The following CPAMD8 variants were observed in gnomAD, a reference collection of about 807,000 sequenced individuals.
CPAMD8 encodes the protein C3 and PZP-like alpha-2-macroglobulin domain-containing protein 8.
A neutral mutation model predicts 224.7 loss-of-function variants in CPAMD8; 146 were observed. That is an observed-to-expected ratio of 0.65 (90% confidence interval 0.57 to 0.75). CPAMD8 has a LOEUF of 0.75. CPAMD8 is among the 30% of genes least tolerant of loss of function. The pLI is 0.00. For synonymous variants in CPAMD8, 966 were observed against 1,044.6 expected, an observed-to-expected ratio of 0.92 and a Z score of 1.45; for missense variants, 2,301 against 2,537.5, an observed-to-expected ratio of 0.91 and a Z score of 2.00.
Position 16,904,544 on chromosome 19 carries a change from T to C in CPAMD8, c.4036A>G (p.Thr1346Ala). The C allele has an allele frequency of 6.2e-7, 1 of 1,612,294 alleles. No individual in the cohort carries two copies. The highest frequency in any genetic ancestry group is 8.5e-7 in the Non-Finnish European group (1 of 1,178,350). The change falls in exon 31 of 42, where the codon ACC (threonine) becomes GCC (alanine). Residue 1346 changes from threonine to alanine, a missense_variant. Physicochemically the swap from Thr to Ala is moderately conservative, Grantham distance 58. Transcript: ENST00000443236. ...CAGGAATTTGACAGGCTCCAGTGGG[T>C]GACCCCATCTGCAAGGAAAGGAGTG... ...RSLAIMRDGVTHWSLSNSWDV... is the reference protein window; with the variant it reads ...RSLAIMRDGVAHWSLSNSWDV...
At chr19:16,961,457 G>A (rs115380254) in intron 18 of CPAMD8, among the ~76,000 whole-genome samples, 27,947 of 152,258 alleles carry the variant, frequency 0.18, 2,858 homozygotes, top group Admixed American at 0.25. Flanking sequence ...CAGCCTGGTT[G>A]GGGGAGGGGT....
intron 13 of CPAMD8, among the ~76,000 whole-genome samples, chr19:16,983,177 C>A (rs550520041): frequency 6.6e-6 from 1 of 152,066 alleles, no homozygotes; most frequent in Non-Finnish European, 1.5e-5. Flanking sequence ...CCAAGGCAAG[C>A]GGATCACCTA....
intron 41 of CPAMD8, 134 bp downstream of exon 41, chr19:16,896,042 C>T: frequency 2.1e-6 from 2 of 966,280 alleles, no homozygotes; most frequent in Non-Finnish European, 3.3e-6. Context: ...GACCCTGAGT[C>T]ACTCCCACTG....
chr19:16,944,953 G>A (rs953191009), intron 22 of CPAMD8, among the ~76,000 whole-genome samples: 1 of 152,180 alleles, frequency 6.6e-6, no homozygotes, highest in African/African-American at 2.4e-5. Context: ...GCCAAGAAAA[G>A]ATGAGGCATG....
rs1196666359 is a variant in CPAMD8, at chr19:16,974,000, T to C, written c.2070+1097A>G. Among the ~76,000 whole-genome samples the C allele has an allele frequency of 6.0e-5, 9 of 150,220 alleles. No homozygotes were observed. In the East Asian group the frequency reaches 1.6e-3, roughly 27 times the overall value. On this transcript the variant is annotated intron_variant, in intron 17 of 41. Transcript: ENST00000443236. Reference sequence around the variant, plus strand: ...ATGCACCACCACGCCCAGCTAATTATTGTGTTTTTAGTAGAGAGGGGGTTT... The same window carrying C: ...ATGCACCACCACGCCCAGCTAATTACTGTGTTTTTAGTAGAGAGGGGGTTT...
chr19:16,967,886 C>CACACGTGTGTATATATGTGCATATAT (rs2054893432), intron 18 of CPAMD8, among the ~76,000 whole-genome samples: 1 of 91,352 alleles, frequency 1.1e-5, no homozygotes, highest in Admixed American at 1.1e-4. Flanking sequence ...CATATATACA[C>CACACGTGTGTATATATGTGCATATAT]ACACATGTGT....
Position 16,899,610 on chromosome 19 carries a change from C to T in CPAMD8, c.4774-61G>A. On this transcript the variant is annotated intron_variant, in intron 36 of 41. Transcript: ENST00000443236. The surrounding 1 kb of genome is among the most constrained non-coding windows in gnomAD (Gnocchi z 5.4). ...CTCTACTTGCTTCCTCTCCCATCCC[C>T]TGGGGGCAGTGGTCAGTGGGATGCT... The T allele has an allele frequency of 2.4e-6, 2 of 834,974 alleles. No homozygotes were observed. The highest frequency in any genetic ancestry group is 2.4e-5 in the East Asian group (1 of 41,210). 51.7% of individuals were successfully genotyped at this position (834,974 alleles called of 1,614,324 possible).
chr19:16,937,843 G>A (rs2053748383), intron 23 of CPAMD8, among the ~76,000 whole-genome samples: 1 of 152,026 alleles, frequency 6.6e-6, no homozygotes, highest in Admixed American at 6.6e-5. Flanking sequence ...TAGTAGAGAT[G>A]GGGTTTCACC....
intron 25 of CPAMD8, 145 bp from the exon 26 acceptor site, chr19:16,925,517 C>T (rs2053329231): frequency 1.6e-6 from 1 of 640,718 alleles, no homozygotes; most frequent in Non-Finnish European, 2.8e-6. Flanking sequence ...TCTGCCTGCT[C>T]AGACCAGCTG....
intron 10 of CPAMD8, among the ~76,000 whole-genome samples, chr19:16,997,579 G>A (rs1267907608): frequency 1.3e-5 from 2 of 152,112 alleles, no homozygotes; most frequent in Non-Finnish European, 2.9e-5. Flanking sequence ...GGCTGGGTGC[G>A]GTGGCTCACG....
At position 16,989,324 on chromosome 19, in the gene CPAMD8, T is replaced by A. The variant is rs761883810; in HGVS notation, c.1395+319A>T. Among the ~76,000 whole-genome samples the A allele has an allele frequency of 7.2e-5, 11 of 152,238 alleles. No individual in the cohort carries two copies. The East Asian group carries it at 2.1e-3, about 29-fold the overall frequency. ...GTCTTTTTTGAGGAGTCTGGCTTTG[T>A]CGCCCAGGCTGGAGTGCAGTGGTGT... On this transcript the variant is annotated intron_variant, in intron 13 of 41. Coordinates refer to ENST00000443236, the MANE Select transcript of CPAMD8 (RefSeq NM_015692.5).
chr19:16,980,236 GAGCCTA>G (rs2055459724), intron 14 of CPAMD8, among the ~76,000 whole-genome samples: 2 of 152,184 alleles, frequency 1.3e-5, no homozygotes, highest in South Asian at 4.1e-4. Context: ...GCCAGTGCAA[GAGCCTA>G]GTCTGTGGCT....
At chr19:17,007,923 T>C (rs1352028941) in intron 7 of CPAMD8, among the ~76,000 whole-genome samples, 1 of 152,178 alleles carries the variant, frequency 6.6e-6, no homozygotes, top group East Asian at 1.9e-4. Flanking sequence ...ATCCCACCAC[T>C]TTGGGAGGAC....
intron 32 of CPAMD8, 118 bp from the exon 33 acceptor site, chr19:16,903,975 G>T (rs2052366639): frequency 2.8e-6 from 3 of 1,087,064 alleles, no homozygotes; most frequent in South Asian, 3.0e-5. Context: ...AATAGAGACT[G>T]GACCCAGTGC....
At chr19:16,996,256 T>C (rs1433800286) in intron 11 of CPAMD8, among the ~76,000 whole-genome samples, 2 of 152,152 alleles carry the variant, frequency 1.3e-5, no homozygotes, top group African/African-American at 4.8e-5. Context: ...GCGGATTGCT[T>C]GAATCCAGGA....
intron 30 of CPAMD8, 37 bp downstream of exon 30, chr19:16,906,915 G>A (rs375277108): frequency 1.7e-5 from 27 of 1,552,920 alleles, no homozygotes; most frequent in African/African-American, 5.4e-5. Context: ...TGGGCTTCCC[G>A]ACGCTGTGGC....
At chr19:16,987,179 A>AAAAATAT (rs1555784836) in intron 13 of CPAMD8, among the ~76,000 whole-genome samples, 18 of 53,920 alleles carry the variant, frequency 3.3e-4, no homozygotes, top group African/African-American at 8.3e-4. Context: ...AAAAAAAAAA[A>AAAAATAT]ATATATATAT....
rs929482204 is a variant in CPAMD8 at position 16,925,294 on chromosome 19, A to G, written c.3449T>C (p.Ile1150Thr). ...GACAAAGACGTTGGGTGCAAAGTGG[A>G]TCATGTTCTGCTCTCCACAGCCAAA... ...LPFGCGEQNM[I>T]HFAPNVFVLK... Residue 1150 changes from isoleucine (I) to threonine (T), a missense_variant, in exon 26 of 42, where the codon ATC becomes ACC. Ile to Thr is a moderately conservative substitution (Grantham distance 89). This residue lies in a region of CPAMD8 where 1,709 missense variants were observed against 1,753.2 expected (regional missense o/e 0.97). Coordinates refer to ENST00000443236, the MANE Select transcript of CPAMD8 (RefSeq NM_015692.5). 1.9e-6 allele frequency: 3 copies of G among 1,614,074 alleles called. No homozygotes were observed. The African/African-American group carries it at 4.0e-5, about 22-fold the overall frequency.
intron 1 of CPAMD8, among the ~76,000 whole-genome samples, chr19:17,024,758 TTCTCATCCTGCTGG>T (rs1181834709): frequency 1.3e-5 from 2 of 152,334 alleles, no homozygotes; most frequent in East Asian, 3.9e-4. Context: ...CCAACACTGC[TTCTCATCCTGCTGG>T]TCTCAGAAGG....
Sources: gnomAD v4.1 joint callset for allele counts (sites outside exome capture counted in the v4.1 genomes callset) on GRCh38, gnomAD v4.1.1 for gene constraint, gnomAD v4.1.1 regional missense constraint, Gnocchi (gnomAD v3.1) non-coding constraint, MANE v1.5 for transcripts, NCBI Gene and HGNC (gene_info 2026-07-23, HGNC 2026-07-21) for gene names.